The following UNC5C variants were observed in gnomAD, a reference collection of about 807,000 sequenced individuals.
UNC5C encodes netrin receptor UNC5C.
UNC5C carries 47 observed loss-of-function variants against 99.8 expected under a neutral mutation model. The observed-to-expected ratio is 0.47, with a 90% CI of 0.37 to 0.60. The LOEUF is 0.60. Ranked by LOEUF, UNC5C falls within the 20% of genes least tolerant of loss-of-function variation. The pLI, the probability that UNC5C is intolerant of heterozygous loss-of-function variation, is 0.00. For synonymous variants in UNC5C, 487 were observed against 452.2 expected (o/e 1.08, Z -0.98); for missense variants, 1,062 against 1,165.9 (o/e 0.91, Z 1.30).
chr4:95,290,437 A>AAGT (rs1428451789), intron 3 of UNC5C, among the ~76,000 whole-genome samples: 2 of 152,200 alleles, frequency 1.3e-5, no homozygotes, highest in African/African-American at 4.8e-5. Context: ...ATAGTTTGAA[A>AAGT]AGTCAAGAAT....
intron 7 of UNC5C, among the ~76,000 whole-genome samples, chr4:95,236,390 A>G (rs147787849): frequency 0.048 from 6,962 of 144,158 alleles, 191 homozygotes; most frequent in Middle Eastern, 0.1. Flanking sequence ...CGATGAGAAC[A>G]CTTGGACACA....
rs369538883 is a variant in UNC5C, at chr4:95,355,237, C to T, written c.125-19606G>A. ...CAATGTGGCGACAGTGTGTGGGTTA[C>T]ATGAAATAAGGGAATGTAAATGACC... On this transcript the variant is annotated intron_variant, in intron 1 of 15. Transcript: ENST00000453304. 1.6e-4 allele frequency among the ~76,000 whole-genome samples: 25 copies of T among 152,176 alleles called. No individual in the cohort carries two copies. In the South Asian group the frequency reaches 4.4e-3, roughly 27 times the overall value.
At chr4:95,542,100 C>T (rs1429949271) in intron 1 of UNC5C, among the ~76,000 whole-genome samples, 2 of 152,058 alleles carry the variant, frequency 1.3e-5, no homozygotes, top group Non-Finnish European at 2.9e-5. Context: ...ACCCCCTATC[C>T]TCACAACATT....
intron 1 of UNC5C, among the ~76,000 whole-genome samples, chr4:95,377,263 A>G (rs1744922793): frequency 6.6e-6 from 1 of 152,192 alleles, no homozygotes; most frequent in Non-Finnish European, 1.5e-5. Flanking sequence ...CAACACTGAT[A>G]AAAAGAGCTG....
chr4:95,238,929 TG>T (rs1406014830), intron 7 of UNC5C, among the ~76,000 whole-genome samples: 2 of 152,208 alleles, frequency 1.3e-5, no homozygotes, highest in African/African-American at 2.4e-5. Flanking sequence ...AACAATATTC[TG>T]TTATTTCATT....
intron 3 of UNC5C, among the ~76,000 whole-genome samples, chr4:95,295,912 C>T (rs1741653264): frequency 6.6e-6 from 1 of 152,102 alleles, no homozygotes; most frequent in Admixed American, 6.5e-5. Context: ...TGGAGGGACC[C>T]CTATTTCTAC....
chr4:95,489,438 T>C (rs1221373446), intron 1 of UNC5C, among the ~76,000 whole-genome samples: 1 of 151,612 alleles, frequency 6.6e-6, no homozygotes, highest in African/African-American at 2.4e-5. Flanking sequence ...AGAGTAATTT[T>C]TTAATTTTAT....
Position 95,206,659 on chromosome 4 carries a change from A to C in UNC5C, c.1871T>G (p.Leu624Arg). 6.2e-7 allele frequency: 1 copy of C among 1,614,044 alleles called. No homozygotes were observed. Among genetic ancestry groups the C allele is most frequent in the Non-Finnish European group, 8.5e-7 (1 of 1,180,030 alleles). ...CTGTCCCTGTGCTGCCTGGTTCTTG[A>C]GCAGTATTTTCCAGTCCTCGGTATT... ...DPNTEDWKIL[L>R]KNQAAQGQWE... Residue 624 changes from leucine to arginine, a missense_variant, in exon 11 of 16, where the codon CTC becomes CGC. Physicochemically the swap from Leu to Arg is moderately radical, Grantham distance 102. This residue lies in a region of UNC5C where 810 missense variants were observed against 854.5 expected (regional missense o/e 0.95). Coordinates refer to ENST00000453304, the MANE Select transcript of UNC5C (RefSeq NM_003728.4).
At chr4:95,245,833 C>T (rs1012925641) in intron 5 of UNC5C, among the ~76,000 whole-genome samples, 5 of 152,178 alleles carry the variant, frequency 3.3e-5, no homozygotes, top group Non-Finnish European at 7.3e-5. Flanking sequence ...CTATTCAGTT[C>T]TGCAGACCTC....
At chr4:95,495,006 A>C (rs1721594468) in intron 1 of UNC5C, among the ~76,000 whole-genome samples, 1 of 151,530 alleles carries the variant, frequency 6.6e-6, no homozygotes. Context: ...AAAGTGATAC[A>C]GTTATATACA....
intron 1 of UNC5C, among the ~76,000 whole-genome samples, chr4:95,436,920 T>G (rs1366519761): frequency 6.6e-6 from 1 of 151,346 alleles, no homozygotes; most frequent in Non-Finnish European, 1.5e-5. Flanking sequence ...GCAGGAGACA[T>G]TTTTTTGAAG....
chr4:95,490,116 G>C (rs372576827), intron 1 of UNC5C, among the ~76,000 whole-genome samples: 1 of 151,578 alleles, frequency 6.6e-6, no homozygotes, highest in South Asian at 2.1e-4. Context: ...AAAGGAGAAA[G>C]AGACGGACAG....
intron 3 of UNC5C, among the ~76,000 whole-genome samples, chr4:95,292,568 A>C (rs1198355478): frequency 6.6e-6 from 1 of 152,034 alleles, no homozygotes; most frequent in African/African-American, 2.4e-5. Flanking sequence ...CTTACTTTCT[A>C]AGGGGGTGAG....
At chr4:95,324,324 T>A (rs1742809406) in intron 2 of UNC5C, among the ~76,000 whole-genome samples, 1 of 152,172 alleles carries the variant, frequency 6.6e-6, no homozygotes, top group Non-Finnish European at 1.5e-5. Context: ...TGCCTGATGA[T>A]CTGTCACTGT....
chr4:95,206,345 A>G (rs1737874533), intron 11 of UNC5C, among the ~76,000 whole-genome samples: 1 of 151,952 alleles, frequency 6.6e-6, no homozygotes, highest in Non-Finnish European at 1.5e-5. Flanking sequence ...ATATATATAC[A>G]TAGACATATA....
intron 10 of UNC5C, among the ~76,000 whole-genome samples, chr4:95,210,675 T>C (rs1271135523): frequency 1.3e-5 from 2 of 152,160 alleles, no homozygotes; most frequent in African/African-American, 4.8e-5. Flanking sequence ...CAAAGAACAA[T>C]GATTAAAATT....
chr4:95,262,677 C>A (rs72674520), intron 4 of UNC5C, among the ~76,000 whole-genome samples: 1 of 151,818 alleles, frequency 6.6e-6, no homozygotes, highest in Non-Finnish European at 1.5e-5. Flanking sequence ...AAAGTTTATA[C>A]GCAAATTTTT....
chr4:95,358,042 G>A (rs946750083), intron 1 of UNC5C, among the ~76,000 whole-genome samples: 2 of 152,062 alleles, frequency 1.3e-5, no homozygotes, highest in Non-Finnish European at 2.9e-5. Context: ...TGTGCCAACT[G>A]CTGACCTACT....
chr4:95,482,397 T>A (rs1721185647), intron 1 of UNC5C, among the ~76,000 whole-genome samples: 2 of 151,866 alleles, frequency 1.3e-5, no homozygotes, highest in South Asian at 4.2e-4. Context: ...AGGAACACTT[T>A]TATACTGTTG....
Sources: allele counts gnomAD v4.1 joint callset (sites outside exome capture counted in the v4.1 genomes callset), GRCh38; gene constraint gnomAD v4.1.1; regional missense constraint gnomAD v4.1.1; transcripts MANE v1.5; gene names NCBI Gene and HGNC (gene_info 2026-07-23, HGNC 2026-07-21).